Variants in PCMTD1 observed in about 807,000 individuals in gnomAD.
PCMTD1 encodes the protein protein-L-isoaspartate O-methyltransferase domain-containing protein 1.
A neutral mutation model predicts 37.6 loss-of-function variants in PCMTD1; 12 were observed. That is an observed-to-expected ratio of 0.32 (90% CI 0.20 to 0.52). The LOEUF (loss-of-function observed/expected upper bound fraction) is 0.52, where lower values mean the gene tolerates loss of function less well. PCMTD1 is among the 20% of genes least tolerant of loss of function. PCMTD1 has a pLI of 0.97. For missense variants in PCMTD1, 235 were observed against 421.3 expected, an observed-to-expected ratio of 0.56 and a Z score of 3.87; for synonymous variants, 117 against 135.8, an observed-to-expected ratio of 0.86 and a Z score of 0.96.
chr8:51,827,841 C>T (rs2129274435), intron 5 of PCMTD1, among the ~76,000 whole-genome samples: 1 of 152,106 alleles, frequency 6.6e-6, no homozygotes, highest in East Asian at 1.9e-4. Flanking sequence ...CCATTTTACC[C>T]TATTCTATTG....
At chr8:51,885,366 G>A (rs1026998697) in intron 1 of PCMTD1, among the ~76,000 whole-genome samples, 3 of 152,124 alleles carry the variant, frequency 2.0e-5, no homozygotes, top group South Asian at 2.1e-4. Flanking sequence ...GAAGTTAGAC[G>A]CCAGCCCTGA....
intron 2 of PCMTD1, among the ~76,000 whole-genome samples, chr8:51,859,418 T>C (rs1053625090): frequency 6.6e-6 from 1 of 152,204 alleles, no homozygotes; most frequent in Non-Finnish European, 1.5e-5. Context: ...AATTTAAATG[T>C]AAGCTTCTAG....
intron 1 of PCMTD1, among the ~76,000 whole-genome samples, chr8:51,866,643 G>A (rs559339938): frequency 6.6e-6 from 1 of 151,990 alleles, no homozygotes; most frequent in South Asian, 2.1e-4. Context: ...ACAGATTAAA[G>A]ATTTAAATAT....
At chr8:51,835,764 G>C (rs953878558) in intron 3 of PCMTD1, among the ~76,000 whole-genome samples, 2 of 152,098 alleles carry the variant, frequency 1.3e-5, no homozygotes, top group African/African-American at 4.8e-5. Flanking sequence ...CTTCCTACTA[G>C]TTAAAAATAT....
In PCMTD1 at chr8:51,820,650, T is replaced by C. The variant is rs776444619; in HGVS notation, c.775A>G (p.Ile259Val). 14 of 1,613,858 alleles carry C rather than the reference T, an allele frequency of 8.7e-6. No individual in the cohort carries two copies. Among genetic ancestry groups the C allele is most frequent in the Non-Finnish European group, 1.2e-5 (14 of 1,179,930 alleles). Residue 259 changes from isoleucine (I) to valine (V), a missense_variant, in exon 6 of 6, where the codon ATA becomes GTA. Transcript: ENST00000522514. ...CCCTTGGCCTGCATCTCATCATTTA[T>C]GAAATTTCTAAGTGTGCGTCGAATG... ...IYIRRTLRNF[I>V]NDEMQAKGIP...
chr8:51,854,880 A>C (rs901542388), intron 2 of PCMTD1, among the ~76,000 whole-genome samples: 10 of 143,180 alleles, frequency 7.0e-5, no homozygotes, highest in Non-Finnish European at 1.1e-4. Flanking sequence ...ACTTGTCTCA[A>C]AAAAAAAAAA....
intron 1 of PCMTD1, among the ~76,000 whole-genome samples, chr8:51,873,215 C>G (rs564480107): frequency 6.6e-6 from 1 of 152,080 alleles, no homozygotes; most frequent in East Asian, 1.9e-4. Flanking sequence ...ATTACCTGCA[C>G]CATAAAAATA....
chr8:51,877,174 C>G (rs1248169438), intron 1 of PCMTD1, among the ~76,000 whole-genome samples: 1 of 152,132 alleles, frequency 6.6e-6, no homozygotes, highest in South Asian at 2.1e-4. Context: ...AGCGTACACT[C>G]GCCGGCAGTT....
Position 51,833,551 on chromosome 8 carries a change from A to G in PCMTD1, c.549T>C (p.Val183=), listed in dbSNP as rs2038025982. The G allele has an allele frequency of 2.5e-6, 4 of 1,612,888 alleles. No individual in the cohort carries two copies. Among genetic ancestry groups the G allele is most frequent in the Non-Finnish European group, 3.4e-6 (4 of 1,179,428 alleles). The change falls in exon 4 of 6, where the codon GTT becomes GTC. Residue 183 remains valine (V), a synonymous_variant. Transcript: ENST00000522514. ...HENYMKILLK[V]GGILVMPIED... is the part of the protein sequence containing the mutation. ...CTATAGGCATGACTAATATGCCTCC[A>G]ACTTTTAGTAATATTTTCATGTAGT...
chr8:51,898,518 G>A (rs1034217653), intron 1 of PCMTD1, among the ~76,000 whole-genome samples: 5 of 152,094 alleles, frequency 3.3e-5, no homozygotes, highest in African/African-American at 1.2e-4. Context: ...GCCCTAAGGG[G>A]CCCGCGGGCA....
intron 5 of PCMTD1, chr8:51,827,342 T>C (rs1327014821): frequency 2.8e-6 from 3 of 1,076,622 alleles, no homozygotes; most frequent in South Asian, 2.6e-5. Context: ...CGGTTTCCGC[T>C]TTCTATGGTC....
At chr8:51,834,520 G>A (rs1422120070) in intron 3 of PCMTD1, among the ~76,000 whole-genome samples, 2 of 152,078 alleles carry the variant, frequency 1.3e-5, no homozygotes, top group Non-Finnish European at 2.9e-5. Flanking sequence ...GCACTAATAA[G>A]ACAGGTAATC....
chr8:51,821,972 TG>T (rs1312299170), intron 5 of PCMTD1, among the ~76,000 whole-genome samples: 1 of 152,174 alleles, frequency 6.6e-6, no homozygotes, highest in Non-Finnish European at 1.5e-5. Context: ...CCTGACCTCG[TG>T]ATCCGCCCAC....
At chr8:51,892,619 C>T (rs2038951490) in intron 1 of PCMTD1, among the ~76,000 whole-genome samples, 1 of 152,164 alleles carries the variant, frequency 6.6e-6, no homozygotes, top group Non-Finnish European at 1.5e-5. Context: ...AAACTAAATG[C>T]TCATTAGTAG....
intron 1 of PCMTD1, among the ~76,000 whole-genome samples, chr8:51,869,117 T>C (rs1345532661): frequency 6.6e-6 from 1 of 152,154 alleles, no homozygotes; most frequent in East Asian, 1.9e-4. Context: ...TTAGAATTGA[T>C]TATAATTGAT....
At chr8:51,899,093 G>A (rs878921092), upstream of PCMTD1, 26 of 1,477,738 alleles carry the variant, frequency 1.8e-5, no homozygotes, top group South Asian at 2.8e-4. Context: ...GGACTCCGGA[G>A]CCGCCGGGGT....
At chr8:51,853,582 A>G (rs1438345185) in intron 2 of PCMTD1, among the ~76,000 whole-genome samples, 1 of 152,210 alleles carries the variant, frequency 6.6e-6, no homozygotes, top group Non-Finnish European at 1.5e-5. Flanking sequence ...GCAAAAGATG[A>G]ACTATTGCTC....
At position 51,851,499 on chromosome 8, in the gene PCMTD1, C is replaced by A. The variant is rs561522430; in HGVS notation, c.308-5736G>T. The stretch of plus-strand genomic sequence containing the variant: ...GTACTAATATTCAAGACTAACAGGT[C>A]AAGAACAACCTATGACTATACCTCA... On this transcript the variant is annotated intron_variant, in intron 2 of 5. Transcript: ENST00000522514. 3.9e-5 allele frequency among the ~76,000 whole-genome samples: 6 copies of A among 152,104 alleles called. No homozygotes were observed. In the East Asian group the frequency reaches 1.2e-3, roughly 29 times the overall value.
intron 1 of PCMTD1, among the ~76,000 whole-genome samples, chr8:51,891,548 C>G (rs905841778): frequency 1.3e-5 from 2 of 150,886 alleles, no homozygotes; most frequent in African/African-American, 4.9e-5. Flanking sequence ...ACAGCGAGGC[C>G]CTGTCTCAAA....
Sources: gnomAD v4.1 joint callset for allele counts (sites outside exome capture counted in the v4.1 genomes callset) on GRCh38, gnomAD v4.1.1 for gene constraint, MANE v1.5 for transcripts, NCBI Gene and HGNC (gene_info 2026-07-23, HGNC 2026-07-21) for gene names.